Variants in DOCK8 observed in about 807,000 individuals in gnomAD.
DOCK8 encodes dedicator of cytokinesis protein 8.
DOCK8 carries 141 observed loss-of-function variants against 245.6 expected under a neutral mutation model. The observed-to-expected ratio is 0.57, with a 90% CI of 0.50 to 0.66. DOCK8 has a LOEUF of 0.66. DOCK8 is among the 30% of genes least tolerant of loss of function. The pLI is 0.00. For synonymous variants in DOCK8, 1,168 were observed against 970.2 expected, an observed-to-expected ratio of 1.20 and a Z score of -3.79; for missense variants, 2,965 against 2,603.4, an observed-to-expected ratio of 1.14 and a Z score of -3.02.
intron 31 of DOCK8, 35 bp downstream of exon 31, chr9:420,618 T>G: frequency 5.6e-6 from 9 of 1,611,750 alleles, no homozygotes; most frequent in African/African-American, 1.3e-5. Flanking sequence ...ATACCAGCTC[T>G]TATCTCTCAA....
At chr9:251,752 G>C (rs574146846) in intron 1 of DOCK8, among the ~76,000 whole-genome samples, 1 of 152,222 alleles carries the variant, frequency 6.6e-6, no homozygotes, top group African/African-American at 2.4e-5. Context: ...GACTACATGG[G>C]CTAACGATCA....
rs1246561746 is a variant in DOCK8, at chr9:382,532, A to G, written c.2625A>G (p.Leu875=). 1 of 1,613,792 alleles carries G rather than the reference A, an allele frequency of 6.2e-7. No individual in the cohort carries two copies. The highest frequency in any genetic ancestry group is 1.7e-5 in the Admixed American group (1 of 59,994). Residue 875 remains leucine (L), a synonymous_variant, in exon 22 of 48, where the codon CTA becomes CTG. Coordinates refer to ENST00000432829, the MANE Select transcript of DOCK8 (RefSeq NM_203447.4). ...VPKSGAPTAL[L]DPRSYHTYGR... The stretch of plus-strand genomic sequence containing the variant: ...GTGCAGGCGCTCCCACTGCCCTCCT[A>G]GACCCTCGGAGCTACCACACGTATG...
intron 4 of DOCK8, among the ~76,000 whole-genome samples, chr9:300,654 CA>C (rs1339287394): frequency 6.6e-6 from 1 of 151,480 alleles, no homozygotes; most frequent in Non-Finnish European, 1.5e-5. Context: ...TCAGAAATGA[CA>C]AAAATGACAC....
intron 1 of DOCK8, among the ~76,000 whole-genome samples, chr9:267,288 C>G (rs1367951008): frequency 6.6e-6 from 1 of 152,204 alleles, no homozygotes; most frequent in Non-Finnish European, 1.5e-5. Flanking sequence ...TCACTGTAGC[C>G]TCAACCTCCC....
At chr9:430,503 G>A (rs2056669132) in intron 36 of DOCK8, among the ~76,000 whole-genome samples, 1 of 152,000 alleles carries the variant, frequency 6.6e-6, no homozygotes, top group African/African-American at 2.4e-5. Context: ...CCAACATGGT[G>A]AAACCCCCGT....
intron 1 of DOCK8, among the ~76,000 whole-genome samples, chr9:234,685 A>T (rs899298682): frequency 6.6e-6 from 1 of 152,118 alleles, no homozygotes; most frequent in African/African-American, 2.4e-5. Context: ...CCAGTTGGTC[A>T]CATCGGCTAC....
At chr9:352,233 A>G (rs1188655708) in intron 14 of DOCK8, among the ~76,000 whole-genome samples, 1 of 152,118 alleles carries the variant, frequency 6.6e-6, no homozygotes, top group Non-Finnish European at 1.5e-5. Context: ...TTTCAAGGTC[A>G]CTGATTGTTA....
At position 446,411 on chromosome 9, in the gene DOCK8, G is replaced by A. The variant is rs1004977789; in HGVS notation, c.5622G>A (p.Glu1874=). ...CTTTTGTGGAGCCCTACTTTGATGA[G>A]TATGAGATGAAAGACAGGGTCACAT... ...QITFVEPYFD[E]YEMKDRVTYF... is the part of the protein sequence containing the mutation. The change falls in exon 44 of 48, where the codon GAG becomes GAA. Residue 1874 remains glutamate (E), a synonymous_variant. Coordinates refer to ENST00000432829, the MANE Select transcript of DOCK8 (RefSeq NM_203447.4). 6.2e-7 allele frequency: 1 copy of A among 1,614,196 alleles called. No individual in the cohort carries two copies. Among genetic ancestry groups the A allele is most frequent in the South Asian group, 1.1e-5 (1 of 91,088 alleles).
intron 1 of DOCK8, 168 bp downstream of exon 1, chr9:215,197 G>A (rs1352000882): frequency 6.6e-7 from 1 of 1,519,102 alleles, no homozygotes; most frequent in Admixed American, 2.1e-5. Context: ...TGGAGCCGCT[G>A]GACGCGCGGC....
intron 33 of DOCK8, among the ~76,000 whole-genome samples, chr9:423,038 A>G (rs1025158617): frequency 6.6e-6 from 1 of 150,876 alleles, no homozygotes; most frequent in Non-Finnish European, 1.5e-5. Context: ...TAGTCAATGT[A>G]TTTTTTAAAG....
At chr9:318,336 C>T (rs940364864) in intron 7 of DOCK8, among the ~76,000 whole-genome samples, 5 of 152,164 alleles carry the variant, frequency 3.3e-5, no homozygotes, top group Non-Finnish European at 7.3e-5. Context: ...TTCAGCGGCC[C>T]CTGGTTTGCA....
At chr9:239,453 T>C (rs575975201) in intron 1 of DOCK8, among the ~76,000 whole-genome samples, 2 of 152,266 alleles carry the variant, frequency 1.3e-5, no homozygotes, top group South Asian at 4.1e-4. Flanking sequence ...GTATGCAATA[T>C]GATCACCAGG....
intron 14 of DOCK8, among the ~76,000 whole-genome samples, chr9:354,901 A>G (rs2052350141): frequency 6.6e-6 from 1 of 152,188 alleles, no homozygotes; most frequent in Non-Finnish European, 1.5e-5. Flanking sequence ...CTTTTGTCCT[A>G]TTTTGACAAA....
At chr9:282,817 A>G (rs2048648988) in intron 2 of DOCK8, among the ~76,000 whole-genome samples, 1 of 152,128 alleles carries the variant, frequency 6.6e-6, no homozygotes, top group South Asian at 2.1e-4. Context: ...TCTACTCACT[A>G]GTTTTACGGC....
At chr9:430,889 A>T (rs1216673291) in intron 36 of DOCK8, among the ~76,000 whole-genome samples, 2 of 152,078 alleles carry the variant, frequency 1.3e-5, no homozygotes, top group East Asian at 3.9e-4. Context: ...TTATTTATTG[A>T]GACAGTGTCT....
chr9:238,547 T>A (rs189074726), intron 1 of DOCK8, among the ~76,000 whole-genome samples: 185 of 152,290 alleles, frequency 1.2e-3, no homozygotes, highest in African/African-American at 4.3e-3. Context: ...TTCAGCTCAT[T>A]TACAAGCACA....
chr9:402,373 G>A (rs1239802881), intron 26 of DOCK8, among the ~76,000 whole-genome samples: 1 of 152,158 alleles, frequency 6.6e-6, no homozygotes, highest in African/African-American at 2.4e-5. Flanking sequence ...AATTACTTCT[G>A]TGATTGGGAG....
chr9:286,589 C>T lies in DOCK8; in HGVS notation c.285C>T (p.Phe95=). The T allele has an allele frequency of 6.2e-7, 1 of 1,613,936 alleles. No individual in the cohort carries two copies. Among genetic ancestry groups the T allele is most frequent in the Non-Finnish European group, 8.5e-7 (1 of 1,179,928 alleles). ...CTGATGACGACTTGGACGTGGTGTTCACGCCAAAGGAATGTAGGACTTTGC... is the reference window on the plus strand; with the variant it reads ...CTGATGACGACTTGGACGTGGTGTTTACGCCAAAGGAATGTAGGACTTTGC... ...DFTDDDLDVV[F]TPKECRTLQP... is the part of the protein sequence containing the mutation. The change falls in exon 3 of 48, where the codon TTC becomes TTT. Residue 95 remains phenylalanine (F), a synonymous_variant. Transcript: ENST00000432829.
intron 22 of DOCK8, among the ~76,000 whole-genome samples, chr9:384,712 C>T (rs560180514): frequency 2.6e-5 from 4 of 152,038 alleles, no homozygotes; most frequent in Non-Finnish European, 4.4e-5. Flanking sequence ...GTCAGGAGAT[C>T]GAGACCATCC....
Sources: gnomAD v4.1 joint callset for allele counts (sites outside exome capture counted in the v4.1 genomes callset) on GRCh38, gnomAD v4.1.1 for gene constraint, MANE v1.5 for transcripts, NCBI Gene and HGNC (gene_info 2026-07-23, HGNC 2026-07-21) for gene names.